The following TMEM178A variants were observed in gnomAD, a reference collection of about 807,000 sequenced individuals.
The protein encoded by TMEM178A is transmembrane protein 178.
TMEM178A carries 12 observed loss-of-function variants against 29.1 expected under a neutral mutation model. That is an observed-to-expected ratio of 0.41 (90% CI 0.26 to 0.67). TMEM178A has a LOEUF of 0.67. Ranked by LOEUF, TMEM178A falls within the 30% of genes least tolerant of loss-of-function variation. TMEM178A has a pLI of 0.29. For missense variants in TMEM178A, 366 were observed against 419.1 expected, an observed-to-expected ratio of 0.87 and a Z score of 1.11; for synonymous variants, 210 against 187.2, an observed-to-expected ratio of 1.12 and a Z score of -0.99.
chr2:39,686,986 T>TGTGC (rs1299417118), intron 1 of TMEM178A, among the ~76,000 whole-genome samples: 1 of 149,580 alleles, frequency 6.7e-6, no homozygotes, highest in African/African-American at 2.5e-5. Flanking sequence ...TGTGTGTGTG[T>TGTGC]GTGTGTGTGT....
intron 1 of TMEM178A, among the ~76,000 whole-genome samples, chr2:39,677,101 T>C (rs1221951587): frequency 6.6e-6 from 1 of 152,208 alleles, no homozygotes; most frequent in African/African-American, 2.4e-5. Context: ...CACATTGGAT[T>C]GGAGAGCTTG....
At chr2:39,666,885 G>T (rs1670187749) in intron 1 of TMEM178A, among the ~76,000 whole-genome samples, 1 of 152,246 alleles carries the variant, frequency 6.6e-6, no homozygotes, top group East Asian at 1.9e-4. Flanking sequence ...TGCCTGTATT[G>T]TGCGGATGCT....
intron 1 of TMEM178A, among the ~76,000 whole-genome samples, chr2:39,692,945 G>C (rs895095298): frequency 1.3e-5 from 2 of 152,064 alleles, no homozygotes; most frequent in African/African-American, 4.8e-5. Flanking sequence ...AAGCACGCAG[G>C]CTTAATTAAC....
intron 1 of TMEM178A, among the ~76,000 whole-genome samples, chr2:39,677,758 G>A (rs1670691008): frequency 6.6e-6 from 1 of 150,650 alleles, no homozygotes; most frequent in South Asian, 2.1e-4. Context: ...CCTCTCGTTC[G>A]ACACCGAGAG....
chr2:39,691,055 G>T (rs1057420111), intron 1 of TMEM178A, among the ~76,000 whole-genome samples: 7 of 152,050 alleles, frequency 4.6e-5, no homozygotes, highest in Non-Finnish European at 8.8e-5. Context: ...ACAAACAAAA[G>T]AATGAAAAAG....
chr2:39,720,359 TC>T (rs1273685472), downstream of TMEM178A, among the ~76,000 whole-genome samples: 1 of 152,078 alleles, frequency 6.6e-6, no homozygotes, highest in African/African-American at 2.4e-5. Context: ...GCCCACGAGC[TC>T]AAAATATACC....
At chr2:39,721,985 C>CAAAAAAA (rs57605942), downstream of TMEM178A, among the ~76,000 whole-genome samples, 1 of 40,092 alleles carries the variant, frequency 2.5e-5, no homozygotes, top group African/African-American at 9.8e-5. Context: ...AGACCAGTCT[C>CAAAAAAA]AAAAAAAAAA....
At chr2:39,704,799 G>A (rs962478129) in intron 2 of TMEM178A, among the ~76,000 whole-genome samples, 6 of 152,084 alleles carry the variant, frequency 3.9e-5, no homozygotes, top group South Asian at 2.1e-4. Context: ...ATAGCTCCCC[G>A]AAACGAAAAA....
intron 1 of TMEM178A, among the ~76,000 whole-genome samples, chr2:39,668,351 G>A (rs1278590879): frequency 6.6e-6 from 1 of 152,196 alleles, no homozygotes; most frequent in Non-Finnish European, 1.5e-5. Flanking sequence ...CCTATTTTTA[G>A]ATGAAAACAA....
chr2:39,706,923 C>T, intron 2 of TMEM178A, 126 bp from the exon 3 acceptor site: 1 of 1,109,086 alleles, frequency 9.0e-7, no homozygotes, highest in Non-Finnish European at 1.3e-6. Context: ...CCTCCTTGTC[C>T]TGTGGGCTCT....
intron 1 of TMEM178A, among the ~76,000 whole-genome samples, chr2:39,671,077 A>G (rs930813664): frequency 7.2e-5 from 11 of 152,228 alleles, no homozygotes; most frequent in South Asian, 2.1e-4. Flanking sequence ...GAAACTTGGA[A>G]TAGAACATGT....
At chr2:39,722,081 C>T (rs957127151), downstream of TMEM178A, among the ~76,000 whole-genome samples, 1 of 150,972 alleles carries the variant, frequency 6.6e-6, no homozygotes, top group African/African-American at 2.4e-5. Flanking sequence ...GGAGAAGAAC[C>T]CAGTTAGGAA....
intron 1 of TMEM178A, among the ~76,000 whole-genome samples, chr2:39,686,262 G>C (rs1435880953): frequency 6.6e-6 from 1 of 152,192 alleles, no homozygotes; most frequent in Non-Finnish European, 1.5e-5. Context: ...GGAGTGGCGA[G>C]GACTGTGGGA....
intron 1 of TMEM178A, among the ~76,000 whole-genome samples, chr2:39,670,850 G>A: frequency 6.6e-6 from 1 of 152,054 alleles, no homozygotes; most frequent in East Asian, 1.9e-4. Flanking sequence ...ACTTTTTAAT[G>A]AAACATTTTC....
intron 2 of TMEM178A, 107 bp from the exon 3 acceptor site, chr2:39,706,942 C>G: frequency 1.5e-6 from 2 of 1,334,052 alleles, no homozygotes; most frequent in Non-Finnish European, 2.0e-6. Context: ...CTAAGCCTGT[C>G]CATGTAACTT....
At chr2:39,718,295 T>C (rs1352099657), downstream of TMEM178A, among the ~76,000 whole-genome samples, 2 of 152,204 alleles carry the variant, frequency 1.3e-5, no homozygotes, top group African/African-American at 4.8e-5. Context: ...ACATGGTCTC[T>C]GTTTTTGTTC....
chr2:39,723,401 G>A, the TMEM178A span, among the ~76,000 whole-genome samples: 3 of 152,124 alleles, frequency 2.0e-5, no homozygotes, highest in African/African-American at 7.2e-5. Context: ...GACTCTGTTG[G>A]TTGCTCAAAA....
chr2:39,670,869 C>T (rs1253494896), intron 1 of TMEM178A, among the ~76,000 whole-genome samples: 1 of 152,080 alleles, frequency 6.6e-6, no homozygotes, highest in Non-Finnish European at 1.5e-5. Context: ...TCATTAAAAA[C>T]AATTAACATT....
chr2:39,672,961 G>A (rs1156687322), intron 1 of TMEM178A, among the ~76,000 whole-genome samples: 1 of 152,214 alleles, frequency 6.6e-6, no homozygotes, highest in Non-Finnish European at 1.5e-5. Context: ...GAACATTGAA[G>A]GAATTGAGGT....
Sources: gnomAD v4.1 joint callset for allele counts (sites outside exome capture counted in the v4.1 genomes callset) on GRCh38, gnomAD v4.1.1 for gene constraint, MANE v1.5 for transcripts, NCBI Gene and HGNC (gene_info 2026-07-23, HGNC 2026-07-21) for gene names.